LGSN: variants seen among roughly 807,000 people sequenced by gnomAD.
The protein encoded by LGSN is lengsin.
In LGSN, 21 loss-of-function variants were observed where a neutral mutation model predicts 19.5. The ratio of observed to expected loss-of-function variants is 1.07; its 90% CI spans 0.76 to 1.55. The LOEUF (loss-of-function observed/expected upper bound fraction) is 1.55, where lower values mean the gene tolerates loss of function less well. Ranked by LOEUF, LGSN falls within the 40% of genes most tolerant of loss-of-function variation. LGSN has a pLI of 0.00. For missense variants in LGSN, 673 were observed against 608.5 expected, an observed-to-expected ratio of 1.11 and a Z score of -1.12; for synonymous variants, 257 against 215.6, an observed-to-expected ratio of 1.19 and a Z score of -1.68.
At chr6:63,419,352 C>T in the LGSN span, among the ~76,000 whole-genome samples, 2 of 152,088 alleles carry the variant, frequency 1.3e-5, no homozygotes, top group African/African-American at 4.8e-5. Flanking sequence ...TTAGGCACAA[C>T]CATAAACGAT....
the LGSN span, among the ~76,000 whole-genome samples, chr6:63,482,668 A>G: frequency 0.54 from 81,503 of 151,950 alleles, 23,692 homozygotes; most frequent in African/African-American, 0.77. Flanking sequence ...AGAGGTTGCA[A>G]TGAGCCGAAA....
the LGSN span, among the ~76,000 whole-genome samples, chr6:63,546,711 A>C: frequency 6.6e-6 from 1 of 152,210 alleles, no homozygotes; most frequent in Non-Finnish European, 1.5e-5. Context: ...CATCTCAAAA[A>C]AAAAAAATAG....
the LGSN span, among the ~76,000 whole-genome samples, chr6:63,339,879 G>A: frequency 6.6e-6 from 1 of 151,912 alleles, no homozygotes; most frequent in African/African-American, 2.4e-5. Context: ...GTGTTTTCAT[G>A]ATGTCAGATA....
the LGSN span, among the ~76,000 whole-genome samples, chr6:63,327,225 T>C: frequency 1.3e-5 from 2 of 152,146 alleles, no homozygotes; most frequent in Non-Finnish European, 2.9e-5. Context: ...GGGGTTCCAT[T>C]TGTAAAACCA....
chr6:63,522,723 A>C, the LGSN span, among the ~76,000 whole-genome samples: 182 of 152,140 alleles, frequency 1.2e-3, 1 homozygote, highest in Admixed American at 7.9e-3. Context: ...CACAGCTGAT[A>C]CTCTTTCAAC....
the LGSN span, among the ~76,000 whole-genome samples, chr6:63,340,835 GGTTTGT>G: frequency 6.9e-6 from 1 of 145,196 alleles, no homozygotes; most frequent in Non-Finnish European, 1.5e-5. Flanking sequence ...TGCTTTTTAT[GGTTTGT>G]GTGTGTGTGT....
the LGSN span, among the ~76,000 whole-genome samples, chr6:63,357,101 G>C: frequency 6.6e-6 from 1 of 151,330 alleles, no homozygotes; most frequent in East Asian, 1.9e-4. Context: ...TTGTCCTTGC[G>C]ATAGTTTGCT....
At chr6:63,347,741 C>A in the LGSN span, among the ~76,000 whole-genome samples, 26 of 152,294 alleles carry the variant, frequency 1.7e-4, no homozygotes, top group Admixed American at 1.4e-3. Flanking sequence ...CTGTTCCATT[C>A]TTATACTCAA....
the LGSN span, among the ~76,000 whole-genome samples, chr6:63,357,156 T>C: frequency 6.6e-6 from 1 of 152,106 alleles, no homozygotes; most frequent in African/African-American, 2.4e-5. Flanking sequence ...GCAAAGGACA[T>C]GAACTCATCA....
At chr6:63,285,412 G>A (rs911051259) in intron 3 of LGSN, among the ~76,000 whole-genome samples, 175 bp downstream of exon 3, 5 of 152,194 alleles carry the variant, frequency 3.3e-5, no homozygotes, top group African/African-American at 1.2e-4. Context: ...TACATGTTTA[G>A]CTCCTTGGGG....
chr6:63,410,721 G>A, the LGSN span, among the ~76,000 whole-genome samples: 2 of 152,158 alleles, frequency 1.3e-5, no homozygotes, highest in Non-Finnish European at 2.9e-5. Context: ...AGCTATTCAA[G>A]GACAAGAACC....
upstream of LGSN, among the ~76,000 whole-genome samples, chr6:63,322,178 A>C (rs967878938): frequency 1.3e-5 from 2 of 152,228 alleles, no homozygotes; most frequent in African/African-American, 4.8e-5. Context: ...GTAAAGGATT[A>C]AATCTATTCT....
the LGSN span, among the ~76,000 whole-genome samples, chr6:63,442,144 GGTCCCTCCCAATGCGTTTGTTC>G: frequency 9.2e-5 from 14 of 151,826 alleles, no homozygotes; most frequent in African/African-American, 1.7e-4. Flanking sequence ...CGGAGTTGTT[GGTCCCTCCCAATGCGTTTGTTC>G]GTCCCTCCCA....
the LGSN span, among the ~76,000 whole-genome samples, chr6:63,499,559 T>C: frequency 6.6e-6 from 1 of 152,114 alleles, no homozygotes; most frequent in South Asian, 2.1e-4. Context: ...TCGCTTTTTG[T>C]AGCATTTGAA....
At chr6:63,290,508 A>G (rs191588454) in intron 2 of LGSN, among the ~76,000 whole-genome samples, 1,704 of 152,306 alleles carry the variant, frequency 0.011, 15 homozygotes, top group Non-Finnish European at 0.016. Context: ...AGTGGACAGC[A>G]CTTCACTATT....
At chr6:63,391,915 C>T in the LGSN span, among the ~76,000 whole-genome samples, 1 of 152,194 alleles carries the variant, frequency 6.6e-6, no homozygotes, top group Non-Finnish European at 1.5e-5. Flanking sequence ...CACAGAGCAA[C>T]TTGGTCTCCT....
the LGSN span, among the ~76,000 whole-genome samples, chr6:63,378,774 A>G: frequency 3.3e-5 from 5 of 152,156 alleles, no homozygotes; most frequent in African/African-American, 1.2e-4. Flanking sequence ...TAATCTATTC[A>G]TGAGAGATAT....
intron 1 of LGSN, among the ~76,000 whole-genome samples, chr6:63,303,000 C>T (rs1768247461): frequency 6.6e-6 from 1 of 152,140 alleles, no homozygotes; most frequent in Non-Finnish European, 1.5e-5. Flanking sequence ...TGGTGGTGAA[C>T]ACCTGTAATC....
At chr6:63,336,314 A>G in the LGSN span, among the ~76,000 whole-genome samples, 1 of 152,184 alleles carries the variant, frequency 6.6e-6, no homozygotes, top group African/African-American at 2.4e-5. Flanking sequence ...TGATCATTAC[A>G]CATTCTATAA....
Sources: gnomAD v4.1 joint callset for allele counts (sites outside exome capture counted in the v4.1 genomes callset) on GRCh38, gnomAD v4.1.1 for gene constraint, MANE v1.5 for transcripts, NCBI Gene and HGNC (gene_info 2026-07-23, HGNC 2026-07-21) for gene names.